Variants in EFNA5 observed in about 807,000 individuals in gnomAD.
The protein encoded by EFNA5 is ephrin A5.
Under a neutral mutation model 22.9 loss-of-function variants are expected in EFNA5, and 5 were observed. The observed-to-expected ratio is 0.22, with a 90% CI of 0.11 to 0.46. The LOEUF is 0.46. Ranked by LOEUF, EFNA5 falls within the 20% of genes least tolerant of loss-of-function variation. The pLI is 0.99. For synonymous variants in EFNA5, 113 were observed against 112.2 expected (o/e 1.01, Z -0.04); for missense variants, 237 against 293.3 (o/e 0.81, Z 1.40).
intron 1 of EFNA5, among the ~76,000 whole-genome samples, chr5:107,505,630 A>G (rs1367813000): frequency 2.0e-5 from 3 of 152,248 alleles, no homozygotes; most frequent in Non-Finnish European, 4.4e-5. Context: ...ATGCAGTAAT[A>G]GCAAAGCGTG....
At chr5:107,505,803 C>T (rs544531737) in intron 1 of EFNA5, among the ~76,000 whole-genome samples, 7 of 151,602 alleles carry the variant, frequency 4.6e-5, no homozygotes, top group Non-Finnish European at 7.4e-5. Flanking sequence ...CATTTAATCC[C>T]CCTTTCCCAT....
At chr5:107,466,369 T>C (rs931479741) in intron 1 of EFNA5, among the ~76,000 whole-genome samples, 5 of 152,060 alleles carry the variant, frequency 3.3e-5, no homozygotes, top group African/African-American at 1.2e-4. Context: ...TGGAGAAAGA[T>C]AGCTCAAGCA....
At chr5:107,578,291 CA>C (rs1242218961) in intron 1 of EFNA5, among the ~76,000 whole-genome samples, 9 of 152,136 alleles carry the variant, frequency 5.9e-5, no homozygotes, top group Non-Finnish European at 1.3e-4. Flanking sequence ...GCATGTATAC[CA>C]GGCCAAAATC....
At chr5:107,638,041 G>C (rs1750421271) in intron 1 of EFNA5, among the ~76,000 whole-genome samples, 1 of 150,152 alleles carries the variant, frequency 6.7e-6, no homozygotes, top group Admixed American at 6.6e-5. Flanking sequence ...TTTTAGTAGA[G>C]ACGGGGTTTC....
At chr5:107,435,160 C>T (rs946499903) in intron 1 of EFNA5, among the ~76,000 whole-genome samples, 2 of 152,162 alleles carry the variant, frequency 1.3e-5, no homozygotes, top group East Asian at 3.8e-4. Flanking sequence ...GGTCCTGCAA[C>T]AGATATGGGT....
intron 1 of EFNA5, among the ~76,000 whole-genome samples, chr5:107,644,872 T>C (rs774272934): frequency 6.6e-6 from 1 of 152,182 alleles, no homozygotes; most frequent in Non-Finnish European, 1.5e-5. Context: ...TGGCTAATTT[T>C]GTATTTTTAG....
At chr5:107,424,197 C>CTTTTT (rs1748745279) in intron 2 of EFNA5, among the ~76,000 whole-genome samples, 1 of 129,694 alleles carries the variant, frequency 7.7e-6, no homozygotes, top group Non-Finnish European at 1.6e-5. Flanking sequence ...TTCTTTCTTT[C>CTTTTT]ATTTTTTTTT....
In EFNA5 at chr5:107,380,374, T is replaced by TAAAAAA. The variant is rs556075303; in HGVS notation, c.*875_*880dup. 6.3e-5 allele frequency: 3 copies of TAAAAAA among 47,462 alleles called. No homozygotes were observed. The highest frequency in any genetic ancestry group is 3.0e-4 in the Admixed American group (1 of 3,366). 2.9% of individuals were successfully genotyped at this position (47,462 alleles called of 1,614,324 possible). On this transcript the variant is annotated 3_prime_UTR_variant, in exon 5 of 5. Coordinates refer to ENST00000333274, the MANE Select transcript of EFNA5 (RefSeq NM_001962.3). Reference sequence around the variant, plus strand: ...CATAAAAATGCCTCTTTGAGTTTCTTAAAAAAAAAAAAAAAAAAAAAAAAA... The same window carrying TAAAAAA: ...CATAAAAATGCCTCTTTGAGTTTCTTAAAAAAAAAAAAAAAAAAAAAAAAAAAAAAA...
intron 1 of EFNA5, among the ~76,000 whole-genome samples, chr5:107,496,007 C>T (rs967109087): frequency 6.6e-6 from 1 of 151,898 alleles, no homozygotes; most frequent in South Asian, 2.1e-4. Context: ...TGTCCTTCCT[C>T]TAACGTCAAC....
chr5:107,393,021 A>C (rs1036316138), intron 2 of EFNA5, among the ~76,000 whole-genome samples: 78 of 152,366 alleles, frequency 5.1e-4, no homozygotes, highest in African/African-American at 1.8e-3. Flanking sequence ...TTGCTAATGC[A>C]GCCAACCTGT....
chr5:107,606,183 A>G (rs1749708132), intron 1 of EFNA5, among the ~76,000 whole-genome samples: 1 of 152,254 alleles, frequency 6.6e-6, no homozygotes, highest in Non-Finnish European at 1.5e-5. Flanking sequence ...AATGCAATGA[A>G]GCCACTTTTT....
chr5:107,660,297 TATATATATATATATA>T (rs1750924379), intron 1 of EFNA5, among the ~76,000 whole-genome samples: 1 of 104,548 alleles, frequency 9.6e-6, no homozygotes, highest in African/African-American at 3.4e-5. Flanking sequence ...TATATATATA[TATATATATATATATA>T]TATTTGGCAA....
At chr5:107,570,560 C>T (rs967400483) in intron 1 of EFNA5, among the ~76,000 whole-genome samples, 1 of 150,614 alleles carries the variant, frequency 6.6e-6, no homozygotes, top group African/African-American at 2.4e-5. Context: ...TGGTCGGTGT[C>T]CAAATGGATT....
At chr5:107,623,898 C>A (rs1750092487) in intron 1 of EFNA5, among the ~76,000 whole-genome samples, 1 of 152,028 alleles carries the variant, frequency 6.6e-6, no homozygotes, top group African/African-American at 2.4e-5. Context: ...GTTTCTAAGT[C>A]ACCTCCTCCC....
At chr5:107,394,598 C>T (rs566484362) in intron 2 of EFNA5, among the ~76,000 whole-genome samples, 2 of 152,270 alleles carry the variant, frequency 1.3e-5, no homozygotes, top group East Asian at 3.9e-4. Context: ...TGCAGCCACA[C>T]ACAAAAGAGA....
chr5:107,532,893 A>G (rs892015551), intron 1 of EFNA5, among the ~76,000 whole-genome samples: 4 of 152,218 alleles, frequency 2.6e-5, no homozygotes, highest in African/African-American at 9.6e-5. Context: ...ACCACTGTTA[A>G]GGTCTGAGGA....
At chr5:107,630,580 C>T (rs1440373717) in intron 1 of EFNA5, among the ~76,000 whole-genome samples, 3 of 149,280 alleles carry the variant, frequency 2.0e-5, no homozygotes, top group African/African-American at 5.0e-5. Flanking sequence ...CTCGGTGAGT[C>T]GGTGAGTGAG....
At chr5:107,392,219 T>C (rs12514898) in intron 2 of EFNA5, among the ~76,000 whole-genome samples, 7,954 of 152,204 alleles carry the variant, frequency 0.052, 315 homozygotes, top group Admixed American at 0.099. Flanking sequence ...AGGCAGTCCT[T>C]TGTATAATCC....
At chr5:107,424,856 AC>A (rs1748767702) in intron 2 of EFNA5, among the ~76,000 whole-genome samples, 1 of 152,118 alleles carries the variant, frequency 6.6e-6, no homozygotes, top group Non-Finnish European at 1.5e-5. Flanking sequence ...AAGAGAAGAA[AC>A]CCTTTCATTA....
Sources: allele counts gnomAD v4.1 joint callset (sites outside exome capture counted in the v4.1 genomes callset), GRCh38; gene constraint gnomAD v4.1.1; transcripts MANE v1.5; gene names NCBI Gene and HGNC (gene_info 2026-07-23, HGNC 2026-07-21).